Variants in LARGE1 observed in about 807,000 individuals in gnomAD.
LARGE1 encodes xylosyl- and glucuronyltransferase LARGE1.
Under a neutral mutation model 87.6 loss-of-function variants are expected in LARGE1, and 43 were observed. That is an observed-to-expected ratio of 0.49 (90% CI 0.38 to 0.63). The LOEUF (loss-of-function observed/expected upper bound fraction) is 0.63, where lower values mean the gene tolerates loss of function less well. LARGE1 is among the 30% of genes least tolerant of loss of function. The pLI is 0.00. For synonymous variants in LARGE1, 434 were observed against 394.6 expected (o/e 1.10, Z -1.18); for missense variants, 802 against 1,000.2 (o/e 0.80, Z 2.67).
intron 9 of LARGE1, among the ~76,000 whole-genome samples, chr22:33,356,794 G>T (rs763934620): frequency 1.3e-5 from 2 of 152,064 alleles, no homozygotes; most frequent in Non-Finnish European, 2.9e-5. Context: ...AAAAAGAAAA[G>T]AAAGAAAGAG....
At chr22:33,773,775 C>T (rs921537378) in intron 1 of LARGE1, among the ~76,000 whole-genome samples, 1 of 152,212 alleles carries the variant, frequency 6.6e-6, no homozygotes, top group African/African-American at 2.4e-5. Context: ...ATGGCAATAT[C>T]AGGCACTCGT....
intron 1 of LARGE1, among the ~76,000 whole-genome samples, chr22:33,915,034 C>G (rs1569031626): frequency 8.3e-6 from 1 of 121,018 alleles, no homozygotes; most frequent in African/African-American, 3.0e-5. Context: ...CACACACACA[C>G]ACACACACAG....
chr22:33,792,937 T>G (rs2085867617), intron 1 of LARGE1, among the ~76,000 whole-genome samples: 1 of 152,142 alleles, frequency 6.6e-6, no homozygotes, highest in African/African-American at 2.4e-5. Flanking sequence ...ACACTGACAT[T>G]GAGCACCTCT....
In LARGE1 at chr22:33,274,605, A is replaced by G. The variant is rs1328708594; in HGVS notation, c.2093T>C (p.Leu698Pro). Reference sequence around the variant, plus strand: ...CATGTGGATCATGTAGGCGTTGGGCAGCACAATGAACTCATACTCCTGGAA... The same window carrying G: ...CATGTGGATCATGTAGGCGTTGGGCGGCACAATGAACTCATACTCCTGGAA... ...LDVQEYEFIV[L>P]PNAYMIHMPH... Residue 698 changes from leucine (L) to proline (P), a missense_variant, in exon 15 of 15, where the codon CTG (leucine) becomes CCG (proline). Coordinates refer to ENST00000397394, the MANE Select transcript of LARGE1 (RefSeq NM_133642.5). The G allele has an allele frequency of 8.1e-6, 13 of 1,614,076 alleles. No homozygotes were observed. The highest frequency in any genetic ancestry group is 1.6e-4 in the Middle Eastern group (1 of 6,084).
chr22:33,674,658 T>C (rs2081511813), intron 2 of LARGE1, among the ~76,000 whole-genome samples: 1 of 152,164 alleles, frequency 6.6e-6, no homozygotes, highest in Non-Finnish European at 1.5e-5. Flanking sequence ...TCCCAATGCA[T>C]GGATCACTCT....
chr22:33,175,728 C>T (rs1922829744), intron 11 of LARGE1, among the ~76,000 whole-genome samples: 1 of 152,132 alleles, frequency 6.6e-6, no homozygotes, highest in African/African-American at 2.4e-5. Flanking sequence ...AGCCATACTG[C>T]CCAAAGTAAT....
At chr22:33,458,440 T>A (rs1483309447) in intron 6 of LARGE1, among the ~76,000 whole-genome samples, 1 of 150,838 alleles carries the variant, frequency 6.6e-6, no homozygotes. Context: ...TTTATTTTTT[T>A]ATTTTTTTAA....
chr22:33,209,359 C>T (rs538107183), intron 11 of LARGE1, among the ~76,000 whole-genome samples: 2 of 152,290 alleles, frequency 1.3e-5, no homozygotes, highest in Admixed American at 1.3e-4. Flanking sequence ...AACATTAGAG[C>T]TCTTCACAGT....
intron 1 of LARGE1, among the ~76,000 whole-genome samples, chr22:33,767,232 G>A (rs1177803295): frequency 6.6e-6 from 1 of 151,132 alleles, no homozygotes; most frequent in Non-Finnish European, 1.5e-5. Context: ...TGAGGCAGGA[G>A]AATTGCTTGA....
the LARGE1 span, among the ~76,000 whole-genome samples, chr22:33,142,098 T>C: frequency 6.6e-6 from 1 of 152,106 alleles, no homozygotes; most frequent in Non-Finnish European, 1.5e-5. Context: ...TGTCACAGGG[T>C]CAGGATAGGT....
intron 2 of LARGE1, among the ~76,000 whole-genome samples, chr22:33,692,848 G>C (rs529483631): frequency 1.6e-4 from 24 of 151,884 alleles, no homozygotes; most frequent in Non-Finnish European, 3.2e-4. Context: ...AGGTATTAAA[G>C]AAAAAAAGGC....
chr22:33,578,033 C>T (rs1226313108), intron 5 of LARGE1, among the ~76,000 whole-genome samples: 1 of 152,154 alleles, frequency 6.6e-6, no homozygotes, highest in Non-Finnish European at 1.5e-5. Context: ...GGTCTTATTG[C>T]AATTTTGAAT....
At chr22:33,305,838 C>CT (rs200366425) in intron 11 of LARGE1, among the ~76,000 whole-genome samples, 8 of 126,534 alleles carry the variant, frequency 6.3e-5, no homozygotes, top group East Asian at 2.0e-4. Context: ...ATTTCTTTTT[C>CT]TTTTTCTTTT....
At chr22:33,394,447 C>T (rs1296245803) in intron 7 of LARGE1, among the ~76,000 whole-genome samples, 1 of 152,158 alleles carries the variant, frequency 6.6e-6, no homozygotes, top group Non-Finnish European at 1.5e-5. Context: ...ATCCGCATGC[C>T]TCGGCCTCCC....
At chr22:33,810,521 G>GACCT (rs2086458853) in intron 1 of LARGE1, among the ~76,000 whole-genome samples, 1 of 152,124 alleles carries the variant, frequency 6.6e-6, no homozygotes, top group South Asian at 2.1e-4. Flanking sequence ...ACAGCCATGG[G>GACCT]ACCTACTCTG....
chr22:33,836,032 G>A (rs1248050702), intron 1 of LARGE1, among the ~76,000 whole-genome samples: 3 of 152,214 alleles, frequency 2.0e-5, no homozygotes, highest in Non-Finnish European at 2.9e-5. Flanking sequence ...GTGCATACAT[G>A]TACACAAACA....
chr22:33,193,700 C>A (rs1296803513), intron 11 of LARGE1, among the ~76,000 whole-genome samples: 1 of 151,964 alleles, frequency 6.6e-6, no homozygotes, highest in Non-Finnish European at 1.5e-5. Flanking sequence ...TGCCTGTAAT[C>A]CCAGCTACTC....
chr22:33,515,133 TA>T (rs1241727103), intron 6 of LARGE1, among the ~76,000 whole-genome samples: 175 of 142,982 alleles, frequency 1.2e-3, no homozygotes, highest in African/African-American at 4.4e-3. Flanking sequence ...AAAAAAAAAA[TA>T]AAAAATAAAA....
At chr22:33,283,052 G>C (rs1186684782) in intron 13 of LARGE1, 150 bp downstream of exon 13, 27 of 957,328 alleles carry the variant, frequency 2.8e-5, no homozygotes, top group Non-Finnish European at 3.9e-5. Flanking sequence ...AGATTACAAG[G>C]ACGTTGTCTG....
Sources: gnomAD v4.1 joint callset for allele counts (sites outside exome capture counted in the v4.1 genomes callset) on GRCh38, gnomAD v4.1.1 for gene constraint, MANE v1.5 for transcripts, NCBI Gene and HGNC (gene_info 2026-07-23, HGNC 2026-07-21) for gene names.